RPS6KC1: variants seen among roughly 807,000 people sequenced by gnomAD.
RPS6KC1 encodes ribosomal protein S6 kinase C1.
RPS6KC1 carries 54 observed loss-of-function variants against 103.8 expected under a neutral mutation model. The ratio of observed to expected loss-of-function variants is 0.52; its 90% CI spans 0.42 to 0.65. The LOEUF is 0.65. Among genes scored for constraint, RPS6KC1 ranks in the 30% least tolerant of loss-of-function variants. RPS6KC1 has a pLI of 0.00. For synonymous variants in RPS6KC1, 439 were observed against 438.7 expected, an observed-to-expected ratio of 1.00 and a Z score of -0.01; for missense variants, 1,151 against 1,253.8, an observed-to-expected ratio of 0.92 and a Z score of 1.24.
chr1:213,722,584 A>C, the RPS6KC1 span, among the ~76,000 whole-genome samples: 2 of 152,130 alleles, frequency 1.3e-5, no homozygotes, highest in Non-Finnish European at 2.9e-5. Flanking sequence ...TACTTGTTTC[A>C]AGTCTTTAAA....
intron 5 of RPS6KC1, among the ~76,000 whole-genome samples, chr1:213,128,604 T>C (rs978744887): frequency 1.3e-5 from 2 of 152,190 alleles, no homozygotes; most frequent in African/African-American, 4.8e-5. Flanking sequence ...ACCTATTACC[T>C]CTTTTTTGTC....
At chr1:213,766,412 G>A in the RPS6KC1 span, among the ~76,000 whole-genome samples, 1 of 152,246 alleles carries the variant, frequency 6.6e-6, no homozygotes, top group East Asian at 1.9e-4. Context: ...GCCATCACAT[G>A]GCACGTAAGA....
the RPS6KC1 span, among the ~76,000 whole-genome samples, chr1:213,753,115 C>A: frequency 2.2e-4 from 34 of 152,288 alleles, no homozygotes; most frequent in African/African-American, 8.2e-4. Context: ...TTCCAAACTC[C>A]CAATCCCACC....
At chr1:213,427,698 C>T in the RPS6KC1 span, among the ~76,000 whole-genome samples, 3 of 152,278 alleles carry the variant, frequency 2.0e-5, no homozygotes, top group Non-Finnish European at 2.9e-5. Flanking sequence ...TTGCCTAAGT[C>T]ACACAGGAAT....
the RPS6KC1 span, among the ~76,000 whole-genome samples, chr1:213,571,286 C>T: frequency 1.3e-5 from 2 of 152,204 alleles, no homozygotes; most frequent in Non-Finnish European, 2.9e-5. Flanking sequence ...GAGCCAGCCA[C>T]TGAAGGGGAC....
intron 1 of RPS6KC1, among the ~76,000 whole-genome samples, chr1:213,068,903 G>A (rs1399859621): frequency 6.9e-6 from 1 of 145,282 alleles, no homozygotes; most frequent in Non-Finnish European, 1.5e-5. Context: ...GTGTGTGTGT[G>A]TGTGTGTGTG....
the RPS6KC1 span, among the ~76,000 whole-genome samples, chr1:213,406,688 A>G: frequency 6.6e-6 from 1 of 152,146 alleles, no homozygotes; most frequent in Non-Finnish European, 1.5e-5. Flanking sequence ...AGCAACAGCA[A>G]CCCCTTCACT....
At chr1:213,360,764 T>G in the RPS6KC1 span, among the ~76,000 whole-genome samples, 2 of 152,228 alleles carry the variant, frequency 1.3e-5, no homozygotes, top group African/African-American at 4.8e-5. Flanking sequence ...GTTTGTTAGT[T>G]TTCATTCTAA....
chr1:213,307,060 GTTTTT>G, the RPS6KC1 span, among the ~76,000 whole-genome samples: 1 of 130,472 alleles, frequency 7.7e-6, no homozygotes, highest in Non-Finnish European at 1.6e-5. Flanking sequence ...AAGGATGCAG[GTTTTT>G]TTTTTTTTTT....
At chr1:213,431,969 A>G in the RPS6KC1 span, among the ~76,000 whole-genome samples, 26 of 152,266 alleles carry the variant, frequency 1.7e-4, no homozygotes, top group East Asian at 4.4e-3. Context: ...AGCATTGAAT[A>G]TTGCCAGTTT....
chr1:213,146,421 C>A (rs1208905708), intron 6 of RPS6KC1, among the ~76,000 whole-genome samples: 1 of 150,400 alleles, frequency 6.6e-6, no homozygotes, highest in African/African-American at 2.4e-5. Context: ...AGTGGGATTG[C>A]AATTTTTTTT....
chr1:213,502,032 A>G, the RPS6KC1 span, among the ~76,000 whole-genome samples: 1 of 152,122 alleles, frequency 6.6e-6, no homozygotes, highest in East Asian at 1.9e-4. Context: ...CTGTACCTCT[A>G]GGCTCATCTT....
chr1:213,709,098 T>C, the RPS6KC1 span, among the ~76,000 whole-genome samples: 1 of 152,296 alleles, frequency 6.6e-6, no homozygotes, highest in South Asian at 2.1e-4. Flanking sequence ...TCTTTTTCTA[T>C]TGTTTTGAAT....
the RPS6KC1 span, among the ~76,000 whole-genome samples, chr1:213,824,219 G>A: frequency 6.6e-6 from 1 of 152,142 alleles, no homozygotes; most frequent in Non-Finnish European, 1.5e-5. Context: ...ACACAATAGG[G>A]CCCTTTTCCC....
chr1:213,528,257 A>G, the RPS6KC1 span, among the ~76,000 whole-genome samples: 1 of 152,166 alleles, frequency 6.6e-6, no homozygotes, highest in Non-Finnish European at 1.5e-5. Flanking sequence ...AAGCAAACAC[A>G]TCTTCTTTTC....
the RPS6KC1 span, among the ~76,000 whole-genome samples, chr1:213,830,150 T>G: frequency 6.6e-6 from 1 of 152,198 alleles, no homozygotes; most frequent in Admixed American, 6.5e-5. Context: ...CCCCAATTAC[T>G]TCATGCATCT....
intron 12 of RPS6KC1, among the ~76,000 whole-genome samples, chr1:213,255,321 TA>T (rs376131332): frequency 0.027 from 3,705 of 138,740 alleles, 51 homozygotes; most frequent in Admixed American, 0.046. Flanking sequence ...ATGAGAACCT[TA>T]AAAAAAAAAA....
the RPS6KC1 span, among the ~76,000 whole-genome samples, chr1:213,652,276 A>T: frequency 0.015 from 2,301 of 152,232 alleles, 63 homozygotes; most frequent in African/African-American, 0.052. Flanking sequence ...TGTTAACTTT[A>T]ATCCTTTCAG....
At chr1:213,300,321 A>G in the RPS6KC1 span, among the ~76,000 whole-genome samples, 1 of 152,188 alleles carries the variant, frequency 6.6e-6, no homozygotes, top group Non-Finnish European at 1.5e-5. Context: ...ACTGGCAACC[A>G]TATTGGGTGG....
Sources: gnomAD v4.1 joint callset for allele counts (sites outside exome capture counted in the v4.1 genomes callset) on GRCh38, gnomAD v4.1.1 for gene constraint, MANE v1.5 for transcripts, NCBI Gene and HGNC (gene_info 2026-07-23, HGNC 2026-07-21) for gene names.